MYH14: variants seen among roughly 807,000 people sequenced by gnomAD.
MYH14 encodes myosin-14.
Under a neutral mutation model 255.5 loss-of-function variants are expected in MYH14, and 123 were observed. That is an observed-to-expected ratio of 0.48 (90% confidence interval 0.42 to 0.56). The LOEUF (loss-of-function observed/expected upper bound fraction) is 0.56. MYH14 is among the 20% of genes least tolerant of loss of function. The pLI is 0.00. For synonymous variants in MYH14, 1,095 were observed against 1,161.2 expected, an observed-to-expected ratio of 0.94 and a Z score of 1.16; for missense variants, 2,423 against 2,802.3, an observed-to-expected ratio of 0.86 and a Z score of 3.06.
At chr19:50,226,594 A>T (rs534529178) in intron 7 of MYH14, among the ~76,000 whole-genome samples, 183 of 150,102 alleles carry the variant, frequency 1.2e-3, no homozygotes, top group Non-Finnish European at 2.1e-3. Flanking sequence ...AGTCTGAGGG[A>T]TGAGGGAGTG....
intron 15 of MYH14, among the ~76,000 whole-genome samples, chr19:50,251,506 TATATATATACAC>T (rs2034379988): frequency 8.0e-6 from 1 of 125,530 alleles, no homozygotes; most frequent in Non-Finnish European, 1.7e-5. Flanking sequence ...TATACACACA[TATATATATACAC>T]ACTACACACA....
At chr19:50,274,017 C>G (rs2035414924) in intron 27 of MYH14, among the ~76,000 whole-genome samples, 1 of 152,106 alleles carries the variant, frequency 6.6e-6, no homozygotes, top group Non-Finnish European at 1.5e-5. Context: ...CATCACCTCT[C>G]TAGCCTCAGT....
rs1378469031 is a variant in MYH14 at position 50,309,662 on chromosome 19, A to G, written c.5983A>G (p.Thr1995Ala). 1 of 1,555,404 alleles carries G rather than the reference A, an allele frequency of 6.4e-7. No homozygotes were observed. The highest frequency in any genetic ancestry group is 8.6e-7 in the Non-Finnish European group (1 of 1,158,332). The change falls in exon 43 of 43, where the codon ACC becomes GCC. Residue 1995 changes from threonine (T) to alanine (A), a missense_variant. Thr to Ala is a moderately conservative substitution (Grantham distance 58, BLOSUM62 0). Coordinates refer to ENST00000642316, the MANE Select transcript of MYH14 (RefSeq NM_001145809.2). ...RLRRGPLTFT[T>A]RTVRQVFRLE... ...CAGACGCGGCCCCCTCACCTTCACCACCCGCACGGTGCGCCAGGTCTTCCG... is the reference window on the plus strand; with the variant it reads ...CAGACGCGGCCCCCTCACCTTCACCGCCCGCACGGTGCGCCAGGTCTTCCG...
intron 15 of MYH14, among the ~76,000 whole-genome samples, chr19:50,251,903 A>C (rs1600944826): frequency 6.6e-6 from 1 of 152,106 alleles, no homozygotes; most frequent in East Asian, 1.9e-4. Flanking sequence ...TATTTGCAAA[A>C]AGAGGTGGCA....
At chr19:50,267,260 G>T (rs962903071) in intron 23 of MYH14, among the ~76,000 whole-genome samples, 1 of 151,956 alleles carries the variant, frequency 6.6e-6, no homozygotes, top group African/African-American at 2.4e-5. Context: ...GGGTAGGGGT[G>T]GGGTGGGAGA....
chr19:50,217,517 G>C, intron 2 of MYH14, 98 bp from the exon 3 acceptor site: 1 of 1,341,454 alleles, frequency 7.5e-7, no homozygotes, highest in East Asian at 2.3e-5. Context: ...TGTGCAGATA[G>C]ATGCCCTTGT....
Position 50,210,729 on chromosome 19 carries a change from C to T in MYH14, c.364C>T (p.Leu122=). ...GACCTGCCTCAACGAGGCCTCGGTC[C>T]TGCACAACCTCCGGGAGCGGTACTA... ...ELTCLNEASV[L]HNLRERYYSG... is the part of the protein sequence containing the mutation. Residue 122 remains leucine, a synonymous_variant, in exon 2 of 43, where the codon CTG becomes TTG. Coordinates refer to ENST00000642316, the MANE Select transcript of MYH14 (RefSeq NM_001145809.2). 1 of 1,580,670 alleles carries T rather than the reference C, an allele frequency of 6.3e-7. No individual in the cohort carries two copies. Among genetic ancestry groups the T allele is most frequent in the Non-Finnish European group, 8.6e-7 (1 of 1,164,094 alleles).
chr19:50,233,873 T>C (rs1451008588), intron 10 of MYH14, among the ~76,000 whole-genome samples: 1 of 135,642 alleles, frequency 7.4e-6, no homozygotes, highest in African/African-American at 2.7e-5. Flanking sequence ...GGAGTGCAAG[T>C]GGTGCAATCT....
chr19:50,270,333 A>G (rs1174854329), intron 24 of MYH14, among the ~76,000 whole-genome samples: 1 of 152,164 alleles, frequency 6.6e-6, no homozygotes, highest in Non-Finnish European at 1.5e-5. Context: ...AGTCTGGCCA[A>G]CATGGTGAAA....
chr19:50,306,422 C>T (rs1277288420), intron 40 of MYH14, among the ~76,000 whole-genome samples: 10 of 152,174 alleles, frequency 6.6e-5, no homozygotes, highest in Admixed American at 6.5e-4. Context: ...TGCTAGAGGT[C>T]CCATCACATG....
intron 29 of MYH14, among the ~76,000 whole-genome samples, chr19:50,277,651 C>T (rs1278218843): frequency 6.6e-6 from 1 of 151,666 alleles, no homozygotes; most frequent in Non-Finnish European, 1.5e-5. Context: ...CGTGGTGGCT[C>T]ATGGCTGTAA....
chr19:50,254,753 A>G (rs539436790), intron 16 of MYH14, among the ~76,000 whole-genome samples: 40 of 152,342 alleles, frequency 2.6e-4, no homozygotes, highest in African/African-American at 7.2e-5. Flanking sequence ...TTTTTGCCCA[A>G]TCTCTGCTAG....
chr19:50,290,759 T>G, intron 35 of MYH14, 128 bp from the exon 36 acceptor site: 4 of 920,708 alleles, frequency 4.3e-6, no homozygotes, highest in Non-Finnish European at 6.5e-6. Flanking sequence ...GTAAAGAGAG[T>G]CAGGGAGTGA....
intron 40 of MYH14, among the ~76,000 whole-genome samples, chr19:50,304,553 G>GCAC (rs1249044941): frequency 6.6e-6 from 1 of 152,178 alleles, no homozygotes; most frequent in East Asian, 1.9e-4. Context: ...TCACACCACT[G>GCAC]CACTCTAGCC....
intron 39 of MYH14, among the ~76,000 whole-genome samples, chr19:50,297,580 C>T (rs778986504): frequency 1.3e-4 from 18 of 139,924 alleles, no homozygotes; most frequent in Non-Finnish European, 2.3e-4. Flanking sequence ...TCACTGCAAC[C>T]TTCACCTCCC....
intron 3 of MYH14, among the ~76,000 whole-genome samples, chr19:50,222,489 A>AAG (rs1423652307): frequency 1.3e-5 from 2 of 151,548 alleles, no homozygotes; most frequent in Non-Finnish European, 2.9e-5. Flanking sequence ...CAAAAAAAAA[A>AAG]AAAAAAAAAA....
Position 50,225,671 on chromosome 19 carries a change from C to T in MYH14, c.804C>T (p.Ser268=). The T allele has an allele frequency of 6.2e-7, 1 of 1,613,410 alleles. No homozygotes were observed. Among genetic ancestry groups the T allele is most frequent in the Non-Finnish European group, 8.5e-7 (1 of 1,179,546 alleles). The change falls in exon 7 of 43, where the codon TCC becomes TCT. Residue 268 remains serine, a synonymous_variant. Transcript: ENST00000642316. ...AGACAGTGAAGAATGACAACTCCTC[C>T]CGATTCGTGAGTGCCAGGGGTGGGC... ...NAKTVKNDNS[S]RFGKFIRINF...
intron 18 of MYH14, 125 bp from the exon 19 acceptor site, chr19:50,259,019 C>A: frequency 7.6e-7 from 1 of 1,311,152 alleles, no homozygotes; most frequent in South Asian, 1.5e-5. Flanking sequence ...GGGCCTAGAA[C>A]CGTTCCTAGG....
At chr19:50,235,110 G>A (rs1009366558) in intron 10 of MYH14, among the ~76,000 whole-genome samples, 1 of 152,124 alleles carries the variant, frequency 6.6e-6, no homozygotes, top group African/African-American at 2.4e-5. Flanking sequence ...AGTGGCTCAC[G>A]CCTGTAATCC....
Sources: gnomAD v4.1 joint callset for allele counts (sites outside exome capture counted in the v4.1 genomes callset) on GRCh38, gnomAD v4.1.1 for gene constraint, MANE v1.5 for transcripts, NCBI Gene and HGNC (gene_info 2026-07-23, HGNC 2026-07-21) for gene names.